Variants in CDC42BPA observed in about 807,000 individuals in gnomAD.
CDC42BPA encodes CDC42 binding protein kinase alpha, also known as serine/threonine-protein kinase MRCK alpha.
In CDC42BPA, 80 loss-of-function variants were observed where a neutral mutation model predicts 223.5. The ratio of observed to expected loss-of-function variants is 0.36; its 90% CI spans 0.30 to 0.43. CDC42BPA has a LOEUF of 0.43. CDC42BPA is among the 20% of genes least tolerant of loss of function. The pLI is 1.00. For missense variants in CDC42BPA, 1,743 were observed against 2,099.9 expected (o/e 0.83, Z 3.32); for synonymous variants, 694 against 718.6 (o/e 0.97, Z 0.55).
intron 32 of CDC42BPA, among the ~76,000 whole-genome samples, chr1:227,020,497 T>A (rs951156340): frequency 2.0e-5 from 3 of 152,248 alleles, no homozygotes; most frequent in African/African-American, 7.2e-5. Flanking sequence ...CTTGCATTTT[T>A]ATGTTATGGA....
chr1:227,079,723 G>C (rs1033096095), intron 17 of CDC42BPA, among the ~76,000 whole-genome samples: 3 of 151,812 alleles, frequency 2.0e-5, no homozygotes, highest in African/African-American at 7.3e-5. Flanking sequence ...GCTCTTAATG[G>C]AAAAACATTT....
At chr1:227,299,307 A>G (rs1187651772) in intron 1 of CDC42BPA, among the ~76,000 whole-genome samples, 9 of 152,202 alleles carry the variant, frequency 5.9e-5, no homozygotes, top group Non-Finnish European at 1.0e-4. Context: ...TCATCTTTGT[A>G]TATCTGAGAA....
chr1:227,301,566 G>A (rs1025118940), intron 1 of CDC42BPA, among the ~76,000 whole-genome samples: 4 of 152,014 alleles, frequency 2.6e-5, no homozygotes, highest in Admixed American at 2.0e-4. Flanking sequence ...CACTATGTTG[G>A]CTAGGATGGT....
intron 1 of CDC42BPA, among the ~76,000 whole-genome samples, chr1:227,315,659 T>C (rs926990256): frequency 6.6e-6 from 1 of 152,112 alleles, no homozygotes; most frequent in Non-Finnish European, 1.5e-5. Context: ...CAAAATACTT[T>C]ATTCAACAAA....
At chr1:227,099,700 T>G (rs985198515) in intron 15 of CDC42BPA, among the ~76,000 whole-genome samples, 1 of 152,104 alleles carries the variant, frequency 6.6e-6, no homozygotes. Context: ...CTTATTCTTC[T>G]CCATGTAGAA....
chr1:227,229,553 G>T (rs541693425), intron 2 of CDC42BPA, among the ~76,000 whole-genome samples: 1 of 152,096 alleles, frequency 6.6e-6, no homozygotes, highest in African/African-American at 2.4e-5. Flanking sequence ...AAGGTACCTT[G>T]AATTTTTATA....
At chr1:227,241,798 G>A (rs1680068351) in intron 2 of CDC42BPA, among the ~76,000 whole-genome samples, 1 of 152,104 alleles carries the variant, frequency 6.6e-6, no homozygotes. Context: ...TTCAATGTAT[G>A]TAAAATTTTC....
chr1:227,021,170 G>T (rs986724075), intron 32 of CDC42BPA, among the ~76,000 whole-genome samples: 3 of 152,128 alleles, frequency 2.0e-5, no homozygotes, highest in Non-Finnish European at 2.9e-5. Context: ...TTGAAATATT[G>T]CAAGAATTAC....
Position 227,080,873 on chromosome 1 carries a change from A to T in CDC42BPA, c.2480+20T>A. ...CATACTCACAATCATCCACAAAAAAACGTTTAAAAGAGCACTCACCACTGA... is the reference window on the plus strand; with the variant it reads ...CATACTCACAATCATCCACAAAAAATCGTTTAAAAGAGCACTCACCACTGA... On this transcript the variant is annotated intron_variant, in intron 17 of 36. Coordinates refer to ENST00000366766, the MANE Select transcript of CDC42BPA (RefSeq NM_001394014.1). The T allele has an allele frequency of 1.2e-6, 2 of 1,612,764 alleles. No homozygotes were observed. Among genetic ancestry groups the T allele is most frequent in the Non-Finnish European group, 1.7e-6 (2 of 1,179,670 alleles).
At chr1:227,305,927 T>C (rs1692456861) in intron 1 of CDC42BPA, among the ~76,000 whole-genome samples, 1 of 151,942 alleles carries the variant, frequency 6.6e-6, no homozygotes, top group Admixed American at 6.5e-5. Flanking sequence ...GATCGTGCCA[T>C]TGCACTCCAG....
intron 2 of CDC42BPA, among the ~76,000 whole-genome samples, chr1:227,221,311 C>T (rs1171972048): frequency 2.0e-5 from 3 of 152,092 alleles, no homozygotes; most frequent in Non-Finnish European, 4.4e-5. Flanking sequence ...CAGTTAATAC[C>T]AATATGCTGG....
intron 14 of CDC42BPA, among the ~76,000 whole-genome samples, chr1:227,111,569 C>A (rs1434819414): frequency 6.6e-6 from 1 of 152,182 alleles, no homozygotes; most frequent in East Asian, 1.9e-4. Flanking sequence ...ACTGCAACCT[C>A]CACCTCCCGG....
intron 17 of CDC42BPA, among the ~76,000 whole-genome samples, chr1:227,078,941 G>A (rs1680057973): frequency 6.6e-6 from 1 of 151,934 alleles, no homozygotes; most frequent in Admixed American, 6.6e-5. Flanking sequence ...TAAGTATAAC[G>A]CAAACTTCCC....
At chr1:227,047,587 A>T (rs1246386011) in intron 23 of CDC42BPA, among the ~76,000 whole-genome samples, 1 of 150,800 alleles carries the variant, frequency 6.6e-6, no homozygotes, top group South Asian at 2.1e-4. Flanking sequence ...TGAATTTTTC[A>T]CTAAACGTTT....
At chr1:226,998,020 A>C (rs1333482619) in intron 35 of CDC42BPA, among the ~76,000 whole-genome samples, 1 of 152,208 alleles carries the variant, frequency 6.6e-6, no homozygotes, top group Non-Finnish European at 1.5e-5. Flanking sequence ...TAGAGAGCCA[A>C]ATCATGAGTG....
chr1:227,301,516 T>G (rs909397807), intron 1 of CDC42BPA, among the ~76,000 whole-genome samples: 1 of 152,092 alleles, frequency 6.6e-6, no homozygotes, highest in Non-Finnish European at 1.5e-5. Context: ...TGTGCCACCA[T>G]GCCCAGCTAA....
intron 5 of CDC42BPA, among the ~76,000 whole-genome samples, chr1:227,188,414 GA>G (rs35709081): frequency 0.9 from 134,260 of 148,934 alleles, 60,854 homozygotes; most frequent in Middle Eastern, 0.95. Context: ...GAGAGAGAGG[GA>G]AAAAAAAAAA....
chr1:227,010,240 A>G (rs1236333399), intron 34 of CDC42BPA, among the ~76,000 whole-genome samples: 1 of 152,166 alleles, frequency 6.6e-6, no homozygotes, highest in Non-Finnish European at 1.5e-5. Context: ...CATGCTTTTT[A>G]AATTTTCCTC....
At chr1:227,147,756 T>C (rs1247817721) in intron 6 of CDC42BPA, among the ~76,000 whole-genome samples, 197 bp from the exon 7 acceptor site, 2 of 152,144 alleles carry the variant, frequency 1.3e-5, no homozygotes, top group African/African-American at 4.8e-5. Context: ...CATAACACTA[T>C]AGAACTTTTA....
Sources: gnomAD v4.1 joint callset for allele counts (sites outside exome capture counted in the v4.1 genomes callset) on GRCh38, gnomAD v4.1.1 for gene constraint, MANE v1.5 for transcripts, NCBI Gene and HGNC (gene_info 2026-07-23, HGNC 2026-07-21) for gene names.